The following SEPTIN11 variants were observed in gnomAD, a reference collection of about 807,000 sequenced individuals.
SEPTIN11 encodes septin-11.
Under a neutral mutation model 51.4 loss-of-function variants are expected in SEPTIN11, and 25 were observed. That is an observed-to-expected ratio of 0.49 (90% confidence interval 0.35 to 0.68). The LOEUF is 0.68. Among genes scored for constraint, SEPTIN11 ranks in the 30% least tolerant of loss-of-function variants. The pLI, the probability that SEPTIN11 is intolerant of heterozygous loss-of-function variation, is 0.00. For missense variants in SEPTIN11, 381 were observed against 520.8 expected (o/e 0.73, Z 2.61); for synonymous variants, 174 against 184.1 (o/e 0.95, Z 0.44).
intron 1 of SEPTIN11, chr4:76,972,890 A>G (rs1560701148): frequency 6.6e-6 from 1 of 152,236 alleles, no homozygotes; most frequent in African/African-American, 2.4e-5. Context: ...AGTAGATGCC[A>G]TAATTATGCC....
chr4:77,018,366 G>A (rs761916201), intron 5 of SEPTIN11, among the ~76,000 whole-genome samples: 5 of 151,866 alleles, frequency 3.3e-5, no homozygotes, highest in Non-Finnish European at 5.9e-5. Flanking sequence ...GGAGAATGGC[G>A]TGAACCCGGA....
chr4:76,987,945 A>G, intron 1 of SEPTIN11: 1 of 395,154 alleles, frequency 2.5e-6, no homozygotes, highest in Non-Finnish European at 3.5e-6. Flanking sequence ...TGTACTGTAC[A>G]TGTCTCCTCT....
At chr4:77,000,035 T>C (rs2109940203) in intron 2 of SEPTIN11, among the ~76,000 whole-genome samples, 1 of 152,382 alleles carries the variant, frequency 6.6e-6, no homozygotes, top group South Asian at 2.1e-4. Context: ...TTTTCCAAAA[T>C]GATACTAACT....
At chr4:76,970,178 GTCTC>G (rs1453420107) in intron 1 of SEPTIN11, among the ~76,000 whole-genome samples, 1 of 152,140 alleles carries the variant, frequency 6.6e-6, no homozygotes, top group Non-Finnish European at 1.5e-5. Context: ...CCTGTTTCCA[GTCTC>G]TCTATCTAGT....
intron 5 of SEPTIN11, among the ~76,000 whole-genome samples, chr4:77,015,626 G>A (rs996071662): frequency 9.2e-5 from 14 of 152,176 alleles, no homozygotes; most frequent in Non-Finnish European, 5.9e-5. Flanking sequence ...ACAGCCCATA[G>A]CTCAGCTGTG....
intron 2 of SEPTIN11, among the ~76,000 whole-genome samples, chr4:76,997,893 C>G (rs555180307): frequency 6.6e-6 from 1 of 152,104 alleles, no homozygotes; most frequent in Non-Finnish European, 1.5e-5. Context: ...TCAGTGCCTC[C>G]CCAGCCCTGT....
rs1017670927 is a variant in SEPTIN11, at chr4:77,028,625, A to G, written c.954-4A>G. ...GCTGTCCTTCGTTTGTGGATTTTCA[A>G]TAGTCTTCAGGAGACATATGAAGCA... On this transcript the variant is annotated splice_polypyrimidine_tract_variant and splice_region_variant and intron_variant, in intron 7 of 9. Transcript: ENST00000264893. 6.9e-6 allele frequency: 11 copies of G among 1,584,964 alleles called. No homozygotes were observed. Among genetic ancestry groups the G allele is most frequent in the African/African-American group, 1.4e-5 (1 of 73,296 alleles).
intron 7 of SEPTIN11, chr4:77,021,601 G>A (rs1293620409): frequency 6.5e-6 from 1 of 152,678 alleles, no homozygotes; most frequent in Non-Finnish European, 1.5e-5. Flanking sequence ...ATGGGGATTT[G>A]AATTCAGGTG....
At position 77,036,650 on chromosome 4, in the gene SEPTIN11, C is replaced by CTT. The variant is rs533597237; in HGVS notation, c.*2147_*2148dup. 2.8e-6 allele frequency: 4 copies of CTT among 1,406,098 alleles called. No homozygotes were observed. Among genetic ancestry groups the CTT allele is most frequent in the Admixed American group, 2.8e-5 (1 of 36,146 alleles). The allele number at this position is 1,406,098 out of a possible 1,614,324, so 87.1% of individuals were successfully genotyped here. On this transcript the variant is annotated 3_prime_UTR_variant, in exon 10 of 10. Transcript: ENST00000264893. The stretch of plus-strand genomic sequence containing the variant: ...AAAAGTCAAAAGAAACAAATAGAAG[C>CTT]TTTTTTTTTTAAAAAATGTATTGCT...
At position 77,020,571 on chromosome 4, in the gene SEPTIN11, T is replaced by TG. The variant is rs934420483; in HGVS notation, c.855dup (p.Arg286AlafsTer10). 1 of 1,613,748 alleles carries TG rather than the reference T, an allele frequency of 6.2e-7. No homozygotes were observed. Reference sequence around the variant, plus strand: ...CTGATCCGCGTGAACATGGAGGACTTGCGAGAGCAGACTCACACCCGCCAC... The same window carrying TG: ...CTGATCCGCGTGAACATGGAGGACTTGGCGAGAGCAGACTCACACCCGCCAC... On this transcript the variant is annotated frameshift_variant, in exon 7 of 10. Coordinates refer to ENST00000264893, the MANE Select transcript of SEPTIN11 (RefSeq NM_018243.4). LOFTEE classifies it high-confidence loss of function.
chr4:77,019,386 G>A (rs1270800287), intron 6 of SEPTIN11, 125 bp downstream of exon 6: 3 of 676,716 alleles, frequency 4.4e-6, no homozygotes, highest in Admixed American at 5.6e-5. Context: ...AGGGAGTGGT[G>A]GGGCTCCACA....
chr4:77,039,910 G>A (rs1016195236), downstream of SEPTIN11: 8 of 199,064 alleles, frequency 4.0e-5, no homozygotes, highest in Non-Finnish European at 5.4e-5. Context: ...TCTGTTTTTT[G>A]TATTGGTTAT....
rs1240543694 is a variant in SEPTIN11 at position 76,968,325 on chromosome 4, G to GCT, written c.27+18396_27+18397dup. Among the ~76,000 whole-genome samples, 13 of 152,188 alleles carry GCT rather than the reference G, an allele frequency of 8.5e-5. No individual in the cohort carries two copies. The East Asian group carries it at 1.9e-3, about 23-fold the overall frequency. ...GGAAACTGAGGCCTGGGGAATTGAG[G>GCT]CTTAAATTTCCCATTAATCCTTATT... On this transcript the variant is annotated intron_variant, in intron 1 of 9. Transcript: ENST00000264893.
At chr4:77,011,198 C>T (rs1273027165) in intron 3 of SEPTIN11, among the ~76,000 whole-genome samples, 1 of 152,094 alleles carries the variant, frequency 6.6e-6, no homozygotes, top group Non-Finnish European at 1.5e-5. Context: ...GAATAGCTCG[C>T]AGTAGGTGGT....
intron 3 of SEPTIN11, among the ~76,000 whole-genome samples, chr4:77,008,856 CA>C (rs938835381): frequency 1.3e-5 from 2 of 151,500 alleles, no homozygotes; most frequent in African/African-American, 4.9e-5. Context: ...TTTTAATTGG[CA>C]AAAAAAATAT....
At chr4:77,017,381 T>C (rs1258246418) in intron 5 of SEPTIN11, among the ~76,000 whole-genome samples, 1 of 152,232 alleles carries the variant, frequency 6.6e-6, no homozygotes, top group Non-Finnish European at 1.5e-5. Context: ...CCACGTAATG[T>C]CTGAGGAAAA....
chr4:76,972,994 C>T (rs1206674951), intron 1 of SEPTIN11: 1 of 152,084 alleles, frequency 6.6e-6, no homozygotes, highest in Non-Finnish European at 1.5e-5. Flanking sequence ...GAAGTCAATT[C>T]TTTCTTCTCT....
intron 1 of SEPTIN11, among the ~76,000 whole-genome samples, chr4:76,966,894 A>C (rs1722057051): frequency 6.6e-6 from 1 of 151,550 alleles, no homozygotes; most frequent in Non-Finnish European, 1.5e-5. Flanking sequence ...GATCTCAGTT[A>C]ATGCTTATGC....
rs28541859 is a variant in SEPTIN11, at chr4:77,019,265, T to A, written c.784+4T>A. Reference sequence around the variant, plus strand: ...TACCCCTGGGGTGTGGTGCAGGGTATGTGCACAGCATGGGAGATGGAGTCT... The same window carrying A: ...TACCCCTGGGGTGTGGTGCAGGGTAAGTGCACAGCATGGGAGATGGAGTCT... On this transcript the variant is annotated splice_donor_region_variant and intron_variant, in intron 6 of 9. Coordinates refer to ENST00000264893, the MANE Select transcript of SEPTIN11 (RefSeq NM_018243.4). 45,935 of 1,605,944 alleles carry A rather than the reference T, an allele frequency of 0.029. 856 individuals are homozygous for A. The highest frequency in any genetic ancestry group is 0.082 in the East Asian group (3,646 of 44,736).
Sources: allele counts gnomAD v4.1 joint callset (sites outside exome capture counted in the v4.1 genomes callset), GRCh38; gene constraint gnomAD v4.1.1; transcripts MANE v1.5; gene names NCBI Gene and HGNC (gene_info 2026-07-23, HGNC 2026-07-21).